The following TAFA4 variants were observed in gnomAD, a reference collection of about 807,000 sequenced individuals.
TAFA4 encodes the protein TAFA chemokine like family member 4.
Under a neutral mutation model 21.1 loss-of-function variants are expected in TAFA4, and 20 were observed. The ratio of observed to expected loss-of-function variants is 0.95; its 90% CI spans 0.67 to 1.38. The LOEUF (loss-of-function observed/expected upper bound fraction) is 1.38. Ranked by LOEUF, TAFA4 falls within the 40% of genes most tolerant of loss-of-function variation. TAFA4 has a pLI of 0.00. For missense variants in TAFA4, 211 were observed against 180.9 expected (o/e 1.17, Z -0.95); for synonymous variants, 71 against 67.4 (o/e 1.05, Z -0.26).
At chr3:68,850,820 C>T (rs1371165840) in intron 3 of TAFA4, among the ~76,000 whole-genome samples, 1 of 151,910 alleles carries the variant, frequency 6.6e-6, no homozygotes, top group Non-Finnish European at 1.5e-5. Flanking sequence ...AATTTTCTCT[C>T]ACTCTGTAGG....
chr3:68,804,811 A>G (rs1027265239), intron 3 of TAFA4, among the ~76,000 whole-genome samples: 16 of 152,202 alleles, frequency 1.1e-4, no homozygotes, highest in Admixed American at 7.2e-4. Flanking sequence ...TTCAAGATGG[A>G]TTAAAGACTT....
intron 3 of TAFA4, among the ~76,000 whole-genome samples, chr3:68,874,091 A>G (rs914244859): frequency 1.6e-4 from 23 of 147,166 alleles, no homozygotes; most frequent in African/African-American, 5.6e-4. Flanking sequence ...AACAGCTAAG[A>G]AAAAAACAGA....
chr3:68,825,043 C>A (rs2106868996), intron 3 of TAFA4, among the ~76,000 whole-genome samples: 1 of 152,226 alleles, frequency 6.6e-6, no homozygotes, highest in East Asian at 1.9e-4. Flanking sequence ...TAAACATGTG[C>A]CATGGTGGTT....
At chr3:68,821,598 C>T (rs1427571517) in intron 3 of TAFA4, among the ~76,000 whole-genome samples, 1 of 15,890 alleles carries the variant, frequency 6.3e-5, no homozygotes, top group Non-Finnish European at 1.1e-4. Flanking sequence ...CCACCCGCCT[C>T]GGCCTCCCAA....
chr3:68,879,601 A>G (rs2089593158), intron 3 of TAFA4, among the ~76,000 whole-genome samples: 2 of 152,200 alleles, frequency 1.3e-5, no homozygotes, highest in African/African-American at 4.8e-5. Flanking sequence ...GCCAAATGGT[A>G]TTGATTTTAT....
At chr3:68,924,164 T>C (rs990338407) in intron 1 of TAFA4, among the ~76,000 whole-genome samples, 5 of 152,188 alleles carry the variant, frequency 3.3e-5, no homozygotes, top group Non-Finnish European at 5.9e-5. Flanking sequence ...ACTAAAAGCA[T>C]CTTGAACAGA....
At chr3:68,782,620 T>A (rs1703173435) in intron 3 of TAFA4, among the ~76,000 whole-genome samples, 1 of 151,486 alleles carries the variant, frequency 6.6e-6, no homozygotes, top group African/African-American at 2.4e-5. Context: ...TGATGCTAAG[T>A]GAAAAAAGAA....
chr3:68,807,540 A>G (rs1327231044), intron 3 of TAFA4, among the ~76,000 whole-genome samples: 2 of 151,302 alleles, frequency 1.3e-5, no homozygotes, highest in African/African-American at 4.9e-5. Context: ...ATGAAGAATC[A>G]TCCCAAAATC....
chr3:68,861,544 T>C (rs1178872189), intron 3 of TAFA4, among the ~76,000 whole-genome samples: 1 of 151,944 alleles, frequency 6.6e-6, no homozygotes, highest in African/African-American at 2.4e-5. Flanking sequence ...CTTCACATAA[T>C]ATTATAATAA....
intron 3 of TAFA4, among the ~76,000 whole-genome samples, chr3:68,823,369 A>G (rs975658591): frequency 6.6e-6 from 1 of 152,218 alleles, no homozygotes; most frequent in Non-Finnish European, 1.5e-5. Context: ...CAGTTATTGC[A>G]GATATGTTGA....
At chr3:68,735,865 G>A (rs904176960) in intron 5 of TAFA4, among the ~76,000 whole-genome samples, 9 of 152,088 alleles carry the variant, frequency 5.9e-5, no homozygotes, top group Admixed American at 1.3e-4. Flanking sequence ...TCAAATAATT[G>A]TTGTAGAAGC....
chr3:68,795,001 T>TACACACACACACAC (rs3048125), intron 3 of TAFA4, among the ~76,000 whole-genome samples: 157 of 144,070 alleles, frequency 1.1e-3, no homozygotes, highest in African/African-American at 2.9e-3. Flanking sequence ...TGTGTCTCAA[T>TACACACACACACAC]ACACACACAC....
intron 1 of TAFA4, among the ~76,000 whole-genome samples, chr3:68,924,238 T>C (rs796080747): frequency 6.6e-6 from 1 of 152,120 alleles, no homozygotes; most frequent in African/African-American, 2.4e-5. Context: ...AAAAAACAAA[T>C]GTCCATTGAA....
At chr3:68,789,154 C>A (rs1172784047) in intron 3 of TAFA4, among the ~76,000 whole-genome samples, 2 of 151,430 alleles carry the variant, frequency 1.3e-5, no homozygotes, top group Non-Finnish European at 2.9e-5. Context: ...TGGTGTGAAC[C>A]TGGGAGGCAG....
chr3:68,778,700 T>G (rs890586587), intron 3 of TAFA4, among the ~76,000 whole-genome samples: 1 of 152,224 alleles, frequency 6.6e-6, no homozygotes, highest in East Asian at 1.9e-4. Flanking sequence ...CTCCTTGCCT[T>G]CTGCCATGAT....
intron 1 of TAFA4, among the ~76,000 whole-genome samples, chr3:68,908,945 C>T (rs1040558432): frequency 2.6e-5 from 4 of 152,186 alleles, no homozygotes; most frequent in Admixed American, 6.5e-5. Context: ...CAGCGCTTCC[C>T]ACCACAATGA....
intron 3 of TAFA4, among the ~76,000 whole-genome samples, chr3:68,861,676 C>T (rs1317588061): frequency 6.6e-6 from 1 of 152,022 alleles, no homozygotes; most frequent in Non-Finnish European, 1.5e-5. Flanking sequence ...CCAACCCCCC[C>T]AGCCCAGCTC....
intron 3 of TAFA4, among the ~76,000 whole-genome samples, chr3:68,761,192 G>A (rs1702749715): frequency 6.6e-6 from 1 of 152,216 alleles, no homozygotes; most frequent in Non-Finnish European, 1.5e-5. Flanking sequence ...TTTAAATAAA[G>A]TGCTTAAAGA....
intron 3 of TAFA4, among the ~76,000 whole-genome samples, chr3:68,863,237 C>A (rs757275832): frequency 1.6e-4 from 24 of 151,762 alleles, no homozygotes; most frequent in Non-Finnish European, 2.9e-4. Context: ...CAGAGTGAGA[C>A]CCTGTCTCAA....
Sources: allele counts gnomAD v4.1 joint callset (sites outside exome capture counted in the v4.1 genomes callset), GRCh38; gene constraint gnomAD v4.1.1; transcripts MANE v1.5; gene names NCBI Gene and HGNC (gene_info 2026-07-23, HGNC 2026-07-21).